Variants in ETFB observed in about 807,000 individuals in gnomAD.
ETFB encodes the protein electron transfer flavoprotein subunit beta.
Under a neutral mutation model 25.6 loss-of-function variants are expected in ETFB, and 20 were observed. The observed-to-expected ratio is 0.78, with a 90% CI of 0.55 to 1.14. ETFB has a LOEUF of 1.14. Ranked by LOEUF, ETFB falls within the 50% of genes most tolerant of loss-of-function variation. ETFB has a pLI of 0.00. For synonymous variants in ETFB, 142 were observed against 146.7 expected (o/e 0.97, Z 0.23); for missense variants, 286 against 342.6 (o/e 0.83, Z 1.30).
chr19:51,346,747 ACT>A (rs776317594), intron 5 of ETFB, 151 bp downstream of exon 5: 3 of 722,252 alleles, frequency 4.2e-6, no homozygotes, highest in African/African-American at 3.6e-5. Context: ...GACCCAGCAA[ACT>A]CTCTCTATCA....
At chr19:51,364,910 C>G (rs1419806909) in intron 1 of ETFB, among the ~76,000 whole-genome samples, 1 of 152,172 alleles carries the variant, frequency 6.6e-6, no homozygotes, top group African/African-American at 2.4e-5. Context: ...AAGGGTCGGC[C>G]AGGCACGGTG....
intron 5 of ETFB, 136 bp from the exon 6 acceptor site, chr19:51,345,517 C>T (rs556377593): frequency 4.9e-5 from 43 of 876,256 alleles, no homozygotes; most frequent in African/African-American, 4.8e-4. Context: ...GGCCAGGACA[C>T]GCGAAACTTC....
At chr19:51,350,571 G>A (rs1356124655) in intron 3 of ETFB, among the ~76,000 whole-genome samples, 180 bp from the exon 4 acceptor site, 1 of 152,002 alleles carries the variant, frequency 6.6e-6, no homozygotes, top group African/African-American at 2.4e-5. Context: ...TGCAACCTCC[G>A]CCTCTTGGGT....
At chr19:51,350,213 C>A (rs981137872) in intron 4 of ETFB, 116 bp downstream of exon 4, 20 of 1,180,252 alleles carry the variant, frequency 1.7e-5, no homozygotes, top group Non-Finnish European at 2.4e-5. Flanking sequence ...ATGAGGCAAT[C>A]CGAGGGAACA....
At chr19:51,364,124 G>C (rs1019335929) in intron 1 of ETFB, among the ~76,000 whole-genome samples, 1 of 152,100 alleles carries the variant, frequency 6.6e-6, no homozygotes, top group African/African-American at 2.4e-5. Flanking sequence ...CTGAGAGGGA[G>C]AGACTGGGAG....
At chr19:51,345,453 G>A in intron 5 of ETFB, 72 bp from the exon 6 acceptor site, 2 of 1,503,724 alleles carry the variant, frequency 1.3e-6, no homozygotes, top group Admixed American at 3.5e-5. Context: ...CCTTCCCATG[G>A]GTGCCAGGCC....
intron 4 of ETFB, chr19:51,347,401 GTTA>G (rs61172555): frequency 3.0e-4 from 72 of 238,168 alleles, no homozygotes; most frequent in African/African-American, 1.6e-3. Context: ...TGAGGTAAAT[GTTA>G]TTATCCCCAC....
chr19:51,362,677 T>C (rs1026724441), intron 1 of ETFB, among the ~76,000 whole-genome samples: 2 of 152,170 alleles, frequency 1.3e-5, no homozygotes, highest in Non-Finnish European at 2.9e-5. Flanking sequence ...TCATCCCCAT[T>C]GTACAGAGTA....
In ETFB at chr19:51,353,154, T is replaced by C. The variant is rs754994553; in HGVS notation, c.353A>G (p.Asp118Gly). 3.5e-5 allele frequency: 56 copies of C among 1,613,990 alleles called. No individual in the cohort carries two copies. Among genetic ancestry groups the C allele is most frequent in the Non-Finnish European group, 4.4e-5 (52 of 1,180,000 alleles). The part of the protein sequence containing the change: ...LAKLAEKEKV[D>G]LVLLGKQAID... ...TACCTGTTTGCCCAGCAGCACCAGG[T>C]CCACCTTCTCCTTCTCTGCCAGCTT... Residue 118 changes from aspartate to glycine, a missense_variant, in exon 3 of 6, where the codon GAC becomes GGC. Physicochemically the swap from Asp to Gly is moderately conservative, Grantham distance 94. Transcript: ENST00000309244.
rs746757758 is a variant in ETFB at position 51,350,403 on chromosome 19, G to A, written c.376-12C>T. The A allele has an allele frequency of 3.8e-6, 5 of 1,328,742 alleles. No individual in the cohort carries two copies. The Admixed American group carries it at 5.2e-5, about 14-fold the overall frequency. The allele number at this position is 1,328,742 out of a possible 1,614,324, so 82.3% of individuals were successfully genotyped here. On this transcript the variant is annotated splice_polypyrimidine_tract_variant and intron_variant, in intron 3 of 5. Coordinates refer to ENST00000309244, the MANE Select transcript of ETFB (RefSeq NM_001985.3). Reference sequence around the variant, plus strand: ...TCATCATCGATGGCCTGAATGGGGAGAGACAGAAGACTGTATGACAATCAG... The same window carrying A: ...TCATCATCGATGGCCTGAATGGGGAAAGACAGAAGACTGTATGACAATCAG...
In ETFB at chr19:51,354,571, C is replaced by T. The variant is rs1332737748; in HGVS notation, c.58-263G>A. Reference sequence around the variant, plus strand: ...GATCATCCCTACTGTTGTCACTGCTCCTCTCAGGCCTGAAAGAGTGTTTCT... The same window carrying T: ...GATCATCCCTACTGTTGTCACTGCTTCTCTCAGGCCTGAAAGAGTGTTTCT... On this transcript the variant is annotated intron_variant, in intron 1 of 5. Coordinates refer to ENST00000309244, the MANE Select transcript of ETFB (RefSeq NM_001985.3). 7 of 1,614,078 alleles carry T rather than the reference C, an allele frequency of 4.3e-6. No individual in the cohort carries two copies. The South Asian group carries it at 7.7e-5, about 18-fold the overall frequency.
intron 1 of ETFB, chr19:51,361,707 T>G (rs867533161): frequency 4.3e-4 from 62 of 144,802 alleles, no homozygotes; most frequent in East Asian, 1.4e-3. Context: ...GTTTTTTTTT[T>G]TTTTTTTTTT....
intron 5 of ETFB, 42 bp from the exon 6 acceptor site, chr19:51,345,423 TG>T (rs1335423383): frequency 1.2e-5 from 19 of 1,602,948 alleles, no homozygotes; most frequent in Non-Finnish European, 1.3e-5. Flanking sequence ...GTGGAACTCC[TG>T]CCACCCTTCC....
intron 1 of ETFB, among the ~76,000 whole-genome samples, chr19:51,364,951 G>A (rs1217367273): frequency 6.6e-6 from 1 of 152,196 alleles, no homozygotes; most frequent in Admixed American, 6.5e-5. Flanking sequence ...CACTTTGGGG[G>A]GCCGAGGCAG....
intron 4 of ETFB, among the ~76,000 whole-genome samples, chr19:51,348,962 T>G (rs949992990): frequency 3.3e-5 from 5 of 152,194 alleles, no homozygotes; most frequent in Non-Finnish European, 7.4e-5. Flanking sequence ...TGACTTATGA[T>G]GGTTTGAATT....
At chr19:51,345,453 G>C in intron 5 of ETFB, 72 bp from the exon 6 acceptor site, 1 of 1,503,724 alleles carries the variant, frequency 6.7e-7, no homozygotes, top group Non-Finnish European at 9.2e-7. Context: ...CCTTCCCATG[G>C]GTGCCAGGCC....
chr19:51,357,885 C>T (rs1986122696), intron 1 of ETFB, among the ~76,000 whole-genome samples: 2 of 152,138 alleles, frequency 1.3e-5, no homozygotes, highest in Admixed American at 1.3e-4. Context: ...GGCTGTTTGT[C>T]ACCAAAGTGA....
chr19:51,359,123 C>T (rs1986158623), intron 1 of ETFB, among the ~76,000 whole-genome samples: 1 of 152,008 alleles, frequency 6.6e-6, no homozygotes, highest in Admixed American at 6.6e-5. Context: ...GCCACCTTGC[C>T]TTACTGCAAC....
At chr19:51,359,335 G>C (rs1251639196) in intron 1 of ETFB, among the ~76,000 whole-genome samples, 1 of 151,816 alleles carries the variant, frequency 6.6e-6, no homozygotes, top group African/African-American at 2.4e-5. Context: ...TGGGATTACA[G>C]GTGTGAGTCG....
Sources: allele counts gnomAD v4.1 joint callset (sites outside exome capture counted in the v4.1 genomes callset), GRCh38; gene constraint gnomAD v4.1.1; transcripts MANE v1.5; gene names NCBI Gene and HGNC (gene_info 2026-07-23, HGNC 2026-07-21).